XG: variants seen among roughly 807,000 people sequenced by gnomAD.
XG encodes the protein Xg glycoprotein (Xg blood group).
Under a neutral mutation model 25.7 loss-of-function variants are expected in XG, and 24 were observed. The observed-to-expected ratio is 0.93, with a 90% CI of 0.68 to 1.31. XG has a LOEUF of 1.31. Among genes scored for constraint, XG ranks in the 40% most tolerant of loss-of-function variants. The pLI, the probability that XG is intolerant of heterozygous loss-of-function variation, is 0.00. For missense variants in XG, 181 were observed against 187.6 expected (o/e 0.96, Z 0.21); for synonymous variants, 77 against 69.2 (o/e 1.11, Z -0.56).
intron 2 of XG, 102 bp from the exon 3 acceptor site, chrX:2,774,614 G>C (rs1049488834): frequency 2.3e-6 from 3 of 1,297,480 alleles, no homozygotes; most frequent in Middle Eastern, 1.8e-4. Flanking sequence ...GTATGGCTTT[G>C]TCACTCCCTT....
At chrX:2,769,877 T>C (rs1186951102) in intron 1 of XG, among the ~76,000 whole-genome samples, 1 of 152,136 alleles carries the variant, frequency 6.6e-6, no homozygotes, top group Non-Finnish European at 1.5e-5. Context: ...AAAGTTTATC[T>C]CTTGTTTGTG....
intron 7 of XG, among the ~76,000 whole-genome samples, chrX:2,800,224 G>C (rs1403438587): frequency 6.3e-5 from 7 of 111,542 alleles, no homozygotes; most frequent in Admixed American, 9.6e-5. Flanking sequence ...TAGCAAGGGG[G>C]TCCTTGTTAT....
intron 1 of XG, among the ~76,000 whole-genome samples, chrX:2,758,984 CCAACTCT>C (rs1284060238): frequency 8.5e-5 from 13 of 152,138 alleles, no homozygotes; most frequent in African/African-American, 3.1e-4. Flanking sequence ...ACTTCTCTAT[CCAACTCT>C]CATCTCTATT....
rs774713408 is a variant in XG at position 2,762,531 on chromosome X, G to A, written c.62-8019G>A. 2.0e-5 allele frequency among the ~76,000 whole-genome samples: 3 copies of A among 152,112 alleles called. No homozygotes were observed. The East Asian group carries it at 5.8e-4, about 29-fold the overall frequency. On this transcript the variant is annotated intron_variant, in intron 1 of 10. Transcript: ENST00000644266. ...GGGAGTCCCTGGATATTCATGTTGA[G>A]GTGTGGAGGAGGAGACTCCAGCTGT...
At chrX:2,773,961 T>C (rs2050913194) in intron 2 of XG, among the ~76,000 whole-genome samples, 1 of 152,064 alleles carries the variant, frequency 6.6e-6, no homozygotes, top group Non-Finnish European at 1.5e-5. Flanking sequence ...GTTTGGAGGT[T>C]CAAGCTCTCC....
chrX:2,763,921 C>G (rs1027385621), intron 1 of XG, among the ~76,000 whole-genome samples: 1 of 152,128 alleles, frequency 6.6e-6, no homozygotes, highest in Non-Finnish European at 1.5e-5. Flanking sequence ...CAGGGCAACT[C>G]CAGGTTGAGT....
chrX:2,788,902 C>T (rs1372533545), intron 4 of XG, among the ~76,000 whole-genome samples: 1 of 109,115 alleles, frequency 9.2e-6, no homozygotes, highest in Non-Finnish European at 1.9e-5. Context: ...ACTTGAGGAA[C>T]ATGCAAAAGT....
Position 2,752,197 on chromosome X carries a change from C to G in XG, c.-78C>G, listed in dbSNP as rs939338119. 9 of 1,605,374 alleles carry G rather than the reference C, an allele frequency of 5.6e-6. No homozygotes were observed. In the African/African-American group the frequency reaches 1.2e-4, roughly 21 times the overall value. On this transcript the variant is annotated 5_prime_UTR_variant, in exon 1 of 11. Transcript: ENST00000644266. ...AAGCTGGGAGACCAGAAGTCAACAACAGGAGGGTGGAGAGGCCGGGTCTCA... is the reference window on the plus strand; with the variant it reads ...AAGCTGGGAGACCAGAAGTCAACAAGAGGAGGGTGGAGAGGCCGGGTCTCA...
chrX:2,781,177 C>T (rs772203957), intron 3 of XG, among the ~76,000 whole-genome samples: 1 of 151,606 alleles, frequency 6.6e-6, no homozygotes, highest in Admixed American at 6.6e-5. Context: ...TAACAAAAGC[C>T]CACCGAGAGT....
intron 1 of XG, among the ~76,000 whole-genome samples, chrX:2,764,481 T>C (rs191957336): frequency 3.3e-5 from 5 of 152,260 alleles, no homozygotes; most frequent in South Asian, 2.1e-4. Context: ...TTTCTATATA[T>C]ACACATAGGT....
At chrX:2,793,711 CAG>C (rs1269303984) in intron 5 of XG, among the ~76,000 whole-genome samples, 1 of 111,390 alleles carries the variant, frequency 9.0e-6, no homozygotes, top group Non-Finnish European at 1.9e-5. Flanking sequence ...AAGAGAGAGA[CAG>C]GGGGATGGTG....
intron 9 of XG, 25 bp from the exon 10 acceptor site, chrX:2,811,303 TCGGATGAG>T (rs1269988131): frequency 8.9e-7 from 1 of 1,118,622 alleles, no homozygotes; most frequent in Admixed American, 2.3e-5. Flanking sequence ...TGTTTTTTTC[TCGGATGAG>T]CTTGCTTTTT....
At chrX:2,804,808 CA>C (rs2086978948) in intron 7 of XG, among the ~76,000 whole-genome samples, 1 of 111,568 alleles carries the variant, frequency 9.0e-6, no homozygotes, top group Admixed American at 9.6e-5. Flanking sequence ...GCTTACTGGT[CA>C]GGGGGCTGCT....
At chrX:2,764,997 C>T (rs1343375721) in intron 1 of XG, among the ~76,000 whole-genome samples, 1 of 133,230 alleles carries the variant, frequency 7.5e-6, no homozygotes, top group African/African-American at 2.9e-5. Context: ...GCCGAGAGTG[C>T]GCCATTGCAC....
rs760863403 is a variant in XG, at chrX:2,766,808, G to A, written c.62-3742G>A. On this transcript the variant is annotated intron_variant, in intron 1 of 10. Coordinates refer to ENST00000644266, the MANE Select transcript of XG (RefSeq NM_001141919.2). ...TCTCGATCTCCTGACCTCGTGATCC[G>A]CCTGCCTCGGCCTCCCAAAGTGCTG... Among the ~76,000 whole-genome samples, 192 of 151,804 alleles carry A rather than the reference G, an allele frequency of 1.3e-3. 1 individual carries two copies. Among genetic ancestry groups the A allele is most frequent in the African/African-American group, 4.3e-3 (180 of 41,382 alleles).
At chrX:2,773,528 AAG>A (rs2050884911) in intron 2 of XG, among the ~76,000 whole-genome samples, 1 of 134,190 alleles carries the variant, frequency 7.5e-6, no homozygotes, top group African/African-American at 2.8e-5. Flanking sequence ...AGAAGGAAGG[AAG>A]GAGAGAAGGA....
intron 1 of XG, among the ~76,000 whole-genome samples, chrX:2,759,444 G>T (rs1404854360): frequency 6.6e-6 from 1 of 152,108 alleles, no homozygotes; most frequent in African/African-American, 2.4e-5. Flanking sequence ...AGGAGGTACG[G>T]TATAGTTGTC....
In XG at chrX:2,752,045, A is replaced by T; in HGVS notation, c.-230A>T. On this transcript the variant is annotated 5_prime_UTR_variant, in exon 1 of 11. Transcript: ENST00000644266. Reference sequence around the variant, plus strand: ...CCGGGGAGGCTGGCTCCGACACACGACTGAGTGTGCCTACACTGGTCCCAC... The same window carrying T: ...CCGGGGAGGCTGGCTCCGACACACGTCTGAGTGTGCCTACACTGGTCCCAC... 1.7e-6 allele frequency: 1 copy of T among 593,952 alleles called. No individual in the cohort carries two copies. Among genetic ancestry groups the T allele is most frequent in the East Asian group, 2.8e-5 (1 of 35,172 alleles). 36.8% of individuals were successfully genotyped at this position (593,952 alleles called of 1,614,324 possible).
rs1179811045 is a variant in XG at position 2,815,915 on chromosome X, AAAAG to A, written c.*1539_*1542del. On this transcript the variant is annotated 3_prime_UTR_variant, in exon 11 of 11. Coordinates refer to ENST00000644266, the MANE Select transcript of XG (RefSeq NM_001141919.2). ...ATTTTTAATCATTTTAAATAAATGTAAAAGAAAAATAACTGGATTTGATTATTGA... is the reference window on the plus strand; with the variant it reads ...ATTTTTAATCATTTTAAATAAATGTAAAAAATAACTGGATTTGATTATTGA... The A allele has an allele frequency of 8.9e-6, 1 of 112,217 alleles. No homozygotes were observed. Among genetic ancestry groups the A allele is most frequent in the African/African-American group, 3.2e-5 (1 of 30,929 alleles). 9.2% of individuals were successfully genotyped at this position (112,217 alleles called of 1,213,427 possible).
Sources: allele counts gnomAD v4.1 joint callset (sites outside exome capture counted in the v4.1 genomes callset), GRCh38; gene constraint gnomAD v4.1.1; transcripts MANE v1.5; gene names NCBI Gene and HGNC (gene_info 2026-07-23, HGNC 2026-07-21).